The following SHPRH variants were observed in gnomAD, a reference collection of about 807,000 sequenced individuals.
SHPRH encodes the protein E3 ubiquitin-protein ligase SHPRH.
A neutral mutation model predicts 202.5 loss-of-function variants in SHPRH; 106 were observed. The observed-to-expected ratio is 0.52, with a 90% CI of 0.45 to 0.62. SHPRH has a LOEUF of 0.62. SHPRH is among the 20% of genes least tolerant of loss of function. SHPRH has a pLI of 0.00. For missense variants in SHPRH, 1,710 were observed against 2,020.0 expected (o/e 0.85, Z 2.94); for synonymous variants, 729 against 686.0 (o/e 1.06, Z -0.98).
chr6:145,963,607 G>C (rs117100009), intron 1 of SHPRH, 124 bp downstream of exon 1: 2 of 152,220 alleles, frequency 1.3e-5, no homozygotes, highest in African/African-American at 2.4e-5. Context: ...AGGTAACGGA[G>C]AACTTTGAGT....
rs1262432964 is a variant in SHPRH at position 145,943,247 on chromosome 6, G to C, written c.2134C>G (p.Pro712Ala). ...ATCAGAGTTGCTCTTGTTGACACTG[G>C]TTCCATTGCAACAAGGCAGTGGGGG... ...YCPHCLVAME[P>A]VSTRATLIIS... is the part of the protein sequence containing the mutation. The change falls in exon 9 of 30, where the codon CCA becomes GCA. Residue 712 changes from proline (P) to alanine (A), a missense_variant. Physicochemically the swap from Pro to Ala is conservative, Grantham distance 27. Around this residue, in one of 8 missense-constraint regions of SHPRH, gnomAD observed 277 missense variants for 363.0 expected, o/e 0.76. Coordinates refer to ENST00000275233, the MANE Select transcript of SHPRH (RefSeq NM_001042683.3). 1 of 1,613,654 alleles carries C rather than the reference G, an allele frequency of 6.2e-7. No individual in the cohort carries two copies. Among genetic ancestry groups the C allele is most frequent in the Non-Finnish European group, 8.5e-7 (1 of 1,179,902 alleles).
chr6:145,862,814 A>G (rs1779628330), downstream of SHPRH: 2 of 152,096 alleles, frequency 1.3e-5, no homozygotes, highest in African/African-American at 2.4e-5. Context: ...TTATTTTCCT[A>G]TTTTTTAAAT....
At chr6:145,920,121 C>T (rs1784307275) in intron 21 of SHPRH, among the ~76,000 whole-genome samples, 1 of 152,098 alleles carries the variant, frequency 6.6e-6, no homozygotes, top group Admixed American at 6.6e-5. Context: ...CATTTTTTGA[C>T]AGGCTCTCTT....
chr6:145,943,495 G>C lies in SHPRH; in HGVS notation c.1886C>G (p.Thr629Arg). 6.2e-7 allele frequency: 1 copy of C among 1,614,032 alleles called. No homozygotes were observed. Among genetic ancestry groups the C allele is most frequent in the South Asian group, 1.1e-5 (1 of 91,080 alleles). The change falls in exon 9 of 30, where the codon ACA becomes AGA. Residue 629 changes from threonine to arginine, a missense_variant. Physicochemically the swap from Thr to Arg is moderately conservative, Grantham distance 71 (BLOSUM62 -1). Around this residue, in one of 8 missense-constraint regions of SHPRH, gnomAD observed 348 missense variants for 356.9 expected, o/e 0.97. Coordinates refer to ENST00000275233, the MANE Select transcript of SHPRH (RefSeq NM_001042683.3). The part of the protein sequence containing the change: ...CISEFNQEHE[T>R]EDCAESLNHA... ...ATTTAGAGATTCAGCACAGTCCTCT[G>C]TTTCATGTTCTTGGTTGAATTCAGA...
intron 17 of SHPRH, among the ~76,000 whole-genome samples, 180 bp downstream of exon 17, chr6:145,924,559 C>G (rs891741481): frequency 6.6e-5 from 10 of 151,868 alleles, no homozygotes; most frequent in African/African-American, 9.7e-5. Flanking sequence ...TGCATCTGTT[C>G]ACTCAACCAA....
intron 23 of SHPRH, among the ~76,000 whole-genome samples, chr6:145,914,954 G>GT (rs1466794861): frequency 1.3e-5 from 2 of 151,808 alleles, no homozygotes; most frequent in African/African-American, 4.8e-5. Flanking sequence ...GTCTGTGTCA[G>GT]TTGGGTCATA....
chr6:145,944,186 A>G (rs967239301), intron 8 of SHPRH, among the ~76,000 whole-genome samples: 1 of 152,180 alleles, frequency 6.6e-6, no homozygotes, highest in Non-Finnish European at 1.5e-5. Flanking sequence ...ATAGCATCCA[A>G]AGAAAGTAAA....
At chr6:145,875,267 T>C (rs1311543792) in intron 2 of SHPRH, among the ~76,000 whole-genome samples, 3 of 152,144 alleles carry the variant, frequency 2.0e-5, no homozygotes, top group Non-Finnish European at 4.4e-5. Context: ...TGTCAAAGCT[T>C]GGGGGTGGAG....
chr6:145,914,210 G>C (rs1783746713), intron 23 of SHPRH, among the ~76,000 whole-genome samples: 1 of 152,132 alleles, frequency 6.6e-6, no homozygotes, highest in Non-Finnish European at 1.5e-5. Context: ...ATGTTTGGCA[G>C]TTGGTAGGCT....
chr6:145,869,168 G>T (rs1179316273), intron 2 of SHPRH, among the ~76,000 whole-genome samples: 1 of 152,080 alleles, frequency 6.6e-6, no homozygotes, highest in Non-Finnish European at 1.5e-5. Flanking sequence ...ACCTGTTAAG[G>T]TCTTTGGCTC....
At position 145,889,384 on chromosome 6, in the gene SHPRH, T is replaced by C. The variant is rs1261879733; in HGVS notation, c.4875-1284A>G. ...GATGGAGGTAGGATGTATCAGAGTG[T>C]TTTTTTCTTTCTAAAGATGGATAAT... is the stretch of plus-strand genomic sequence containing the variant. On this transcript the variant is annotated intron_variant, in intron 28 of 29. Coordinates refer to ENST00000275233, the MANE Select transcript of SHPRH (RefSeq NM_001042683.3). Among the ~76,000 whole-genome samples, 3 of 152,156 alleles carry C rather than the reference T, an allele frequency of 2.0e-5. No individual in the cohort carries two copies. The South Asian group carries it at 6.2e-4, about 32-fold the overall frequency.
Position 145,933,113 on chromosome 6 carries a change from G to C in SHPRH, c.3056C>G (p.Ala1019Gly), listed in dbSNP as rs1325743065. The C allele has an allele frequency of 6.2e-7, 1 of 1,613,878 alleles. No individual in the cohort carries two copies. Among genetic ancestry groups the C allele is most frequent in the Non-Finnish European group, 8.5e-7 (1 of 1,179,904 alleles). Residue 1019 changes from alanine (A) to glycine (G), a missense_variant, in exon 14 of 30, where the codon GCA becomes GGA. Physicochemically the swap from Ala to Gly is moderately conservative, Grantham distance 60. This residue lies in a region of SHPRH where 288 missense variants were observed against 317.8 expected (regional missense o/e 0.91). Transcript: ENST00000275233. ...GAGAGCACAAACTAGCTGTCGATGT[G>C]CTTCTTCACATTCAGTTCCACATTT... is the stretch of plus-strand genomic sequence containing the variant. ...QKKCGTECEE[A>G]HRQLVCALNG... is the part of the protein sequence containing the mutation.
At chr6:145,858,682 A>G in the SHPRH span, among the ~76,000 whole-genome samples, 1 of 152,092 alleles carries the variant, frequency 6.6e-6, no homozygotes, top group Non-Finnish European at 1.5e-5. Context: ...TATCAAATTT[A>G]ACATTTTAAA....
chr6:145,931,196 C>A (rs9485032), intron 14 of SHPRH, among the ~76,000 whole-genome samples: 1 of 151,994 alleles, frequency 6.6e-6, no homozygotes, highest in Admixed American at 6.6e-5. Context: ...ACAATCCAGG[C>A]CTCTTAATTG....
chr6:145,915,657 A>C (rs1783886935), intron 23 of SHPRH, among the ~76,000 whole-genome samples: 1 of 152,240 alleles, frequency 6.6e-6, no homozygotes, highest in East Asian at 1.9e-4. Flanking sequence ...AAACATCTTT[A>C]AAGGTGAAAA....
the SHPRH span, among the ~76,000 whole-genome samples, chr6:145,858,102 T>A: frequency 6.6e-6 from 1 of 152,158 alleles, no homozygotes; most frequent in Non-Finnish European, 1.5e-5. Context: ...GGAACATTCA[T>A]ACTTTTTTGT....
intron 19 of SHPRH, 42 bp downstream of exon 19, chr6:145,922,621 G>T: frequency 6.5e-7 from 1 of 1,541,462 alleles, no homozygotes; most frequent in Admixed American, 2.3e-5. Context: ...CTAGCTTAAA[G>T]AAATGGTACC....
chr6:145,867,442 G>T (rs1264933281), intron 2 of SHPRH, among the ~76,000 whole-genome samples: 1 of 151,262 alleles, frequency 6.6e-6, no homozygotes, highest in African/African-American at 2.4e-5. Context: ...GGATTAACCT[G>T]GTGGACCCTC....
intron 23 of SHPRH, among the ~76,000 whole-genome samples, chr6:145,915,676 T>C (rs1288375911): frequency 6.6e-6 from 1 of 152,082 alleles, no homozygotes; most frequent in Non-Finnish European, 1.5e-5. Flanking sequence ...AAGAAAAACA[T>C]CTCTATGTAG....
Sources: gnomAD v4.1 joint callset for allele counts (sites outside exome capture counted in the v4.1 genomes callset) on GRCh38, gnomAD v4.1.1 for gene constraint, gnomAD v4.1.1 regional missense constraint, MANE v1.5 for transcripts, NCBI Gene and HGNC (gene_info 2026-07-23, HGNC 2026-07-21) for gene names.